Variants in MXRA5 observed in about 807,000 individuals in gnomAD.
The protein encoded by MXRA5 is matrix remodeling associated 5, also known as matrix-remodeling-associated protein 5.
MXRA5 carries 41 observed loss-of-function variants against 112.5 expected under a neutral mutation model. That is an observed-to-expected ratio of 0.36 (90% CI 0.28 to 0.47). MXRA5 has a LOEUF of 0.47. Among genes scored for constraint, MXRA5 ranks in the 20% least tolerant of loss-of-function variants. MXRA5 has a pLI of 0.99. For missense variants in MXRA5, 2,150 were observed against 2,251.0 expected (o/e 0.96, Z 0.91); for synonymous variants, 862 against 900.8 (o/e 0.96, Z 0.77).
Position 3,322,597 on chromosome X carries a change from C to T in MXRA5, c.3088G>A (p.Gly1030Ser). The T allele has an allele frequency of 8.3e-7, 1 of 1,211,662 alleles. No homozygotes were observed. Among genetic ancestry groups the T allele is most frequent in the Non-Finnish European group, 1.1e-6 (1 of 895,495 alleles). Residue 1030 changes from glycine (G) to serine (S), a missense_variant, in exon 5 of 7, where the codon GGC (glycine) becomes AGC (serine). Around this residue, in one of 6 missense-constraint regions of MXRA5, gnomAD observed 1,485 missense variants for 1,471.6 expected, o/e 1.01. Coordinates refer to ENST00000217939, the MANE Select transcript of MXRA5 (RefSeq NM_015419.4). ...DSTIGEPGVP[G>S]QSHLQGLTDN... ...GTCAGTCCTTGTAGATGTGATTGGC[C>T]TGGGACACCTGGTTCCCCTATAGTA...
intron 4 of MXRA5, 133 bp downstream of exon 4, chrX:3,329,885 G>T: frequency 1.3e-6 from 1 of 762,242 alleles, no homozygotes; most frequent in Non-Finnish European, 1.8e-6. Flanking sequence ...CTGTCTAGCT[G>T]ATTGGGTGCT....
At chrX:3,319,241 A>G (rs1224642375) in intron 5 of MXRA5, among the ~76,000 whole-genome samples, 1 of 112,749 alleles carries the variant, frequency 8.9e-6, no homozygotes, top group Admixed American at 9.4e-5. Flanking sequence ...TGCTGTAAAA[A>G]AAGGATAGAG....
intron 4 of MXRA5, among the ~76,000 whole-genome samples, chrX:3,326,903 C>T (rs749114787): frequency 1.8e-5 from 2 of 111,880 alleles, no homozygotes; most frequent in Non-Finnish European, 3.8e-5. Flanking sequence ...AGTCCAAACA[C>T]ATTCCGTGAG....
At chrX:3,337,676 C>T (rs985875332) in intron 2 of MXRA5, among the ~76,000 whole-genome samples, 10 of 112,028 alleles carry the variant, frequency 8.9e-5, no homozygotes, top group African/African-American at 2.9e-4. Flanking sequence ...TCCTGGAGAA[C>T]GTGTCAGAGC....
In MXRA5 at chrX:3,330,784, G is replaced by GTAA. The variant is rs770536004; in HGVS notation, c.189-14_189-12dup. ...TGTATGCTATTAAACCTAAAGAATG[G>GTAA]TAATAATAATAATAACAATAATAAT... On this transcript the variant is annotated splice_polypyrimidine_tract_variant and intron_variant, in intron 2 of 6. Transcript: ENST00000217939. The GTAA allele has an allele frequency of 3.8e-6, 4 of 1,056,514 alleles. No individual in the cohort carries two copies. The highest frequency in any genetic ancestry group is 3.8e-5 in the African/African-American group (2 of 52,510). The allele number at this position is 1,056,514 out of a possible 1,213,427, so 87.1% of individuals were successfully genotyped here.
Position 3,320,017 on chromosome X carries a change from C to A in MXRA5, c.5668G>T (p.Val1890Phe), listed in dbSNP as rs760874410. The part of the protein sequence containing the change: ...KPKPFVTWTK[V>F]STGALMTPNT... ...TGCTTAAACATCTTACCTGTGGAAA[C>A]CTTTGTCCAAGTAACGAAAGGCTTT... The change falls in exon 5 of 7, where the codon GTT becomes TTT. Residue 1890 changes from valine to phenylalanine, a missense_variant. Physicochemically the swap from Val to Phe is conservative, Grantham distance 50. Around this residue, in one of 6 missense-constraint regions of MXRA5, gnomAD observed 1,485 missense variants for 1,471.6 expected, o/e 1.01. Coordinates refer to ENST00000217939, the MANE Select transcript of MXRA5 (RefSeq NM_015419.4). 1.3e-5 allele frequency: 16 copies of A among 1,188,257 alleles called. No homozygotes were observed. The South Asian group carries it at 2.8e-4, about 21-fold the overall frequency.
rs759357691 is a variant in MXRA5, at chrX:3,330,700, C to T, written c.262G>A (p.Gly88Ser). The T allele has an allele frequency of 2.1e-5, 25 of 1,206,949 alleles. 1 individual carries two copies. The highest frequency in any genetic ancestry group is 6.6e-5 in the Admixed American group (3 of 45,393). The change falls in exon 3 of 7, where the codon GGC (glycine) becomes AGC (serine). Residue 88 changes from glycine (G) to serine (S), a missense_variant. Coordinates refer to ENST00000217939, the MANE Select transcript of MXRA5 (RefSeq NM_015419.4). ...LTKLELLMIH[G>S]NEIPSIPDGA... ...TCGGGGATGCTTGGGATCTCATTGC[C>T]GTGAATCATAAGTAGCTCCAACTTG...
chrX:3,335,235 C>T (rs1221393283), intron 2 of MXRA5, among the ~76,000 whole-genome samples: 1 of 111,417 alleles, frequency 9.0e-6, no homozygotes, highest in Non-Finnish European at 1.9e-5. Flanking sequence ...CTCCCTCTGT[C>T]GCCCAGGCTG....
In MXRA5 at chrX:3,321,165, G is replaced by A. The variant is rs1343082485; in HGVS notation, c.4520C>T (p.Thr1507Ile). Reference protein sequence around the residue: ...STILMSLGQTTTTKPALPSPR... With the variant: ...STILMSLGQTITTKPALPSPR... ...ACTGGGAAGTGCTGGCTTAGTGGTGGTGGTTTGTCCCAAAGACATGAGAAT... is the reference window on the plus strand; with the variant it reads ...ACTGGGAAGTGCTGGCTTAGTGGTGATGGTTTGTCCCAAAGACATGAGAAT... Residue 1507 changes from threonine to isoleucine, a missense_variant, in exon 5 of 7, where the codon ACC (threonine) becomes ATC (isoleucine). Coordinates refer to ENST00000217939, the MANE Select transcript of MXRA5 (RefSeq NM_015419.4). 8.3e-7 allele frequency: 1 copy of A among 1,211,933 alleles called. No homozygotes were observed. Among genetic ancestry groups the A allele is most frequent in the Admixed American group, 2.2e-5 (1 of 46,044 alleles).
Position 3,309,647 on chromosome X carries a change from C to T in MXRA5, c.*69G>A, listed in dbSNP as rs1920966731. 7 of 994,278 alleles carry T rather than the reference C, an allele frequency of 7.0e-6. No individual in the cohort carries two copies. In the East Asian group the frequency reaches 2.2e-4, roughly 32 times the overall value. 81.9% of individuals were successfully genotyped at this position (994,278 alleles called of 1,213,427 possible). ...CACATTATTTAAGAGCTCCTATTCCCCAACCTGGCTTCCCTTACAAACCCC... is the reference window on the plus strand; with the variant it reads ...CACATTATTTAAGAGCTCCTATTCCTCAACCTGGCTTCCCTTACAAACCCC... On this transcript the variant is annotated 3_prime_UTR_variant, in exon 7 of 7. Transcript: ENST00000217939.
Position 3,321,394 on chromosome X carries a change from G to A in MXRA5, c.4291C>T (p.Pro1431Ser), listed in dbSNP as rs1354226828. The change falls in exon 5 of 7, where the codon CCA becomes TCA. Residue 1431 changes from proline to serine, a missense_variant. Physicochemically the swap from Pro to Ser is moderately conservative, Grantham distance 74. Around this residue, in one of 6 missense-constraint regions of MXRA5, gnomAD observed 1,485 missense variants for 1,471.6 expected, o/e 1.01. Transcript: ENST00000217939. ...EFLSSLTVSTPFHQEEAGSST... is the reference protein window; with the variant it reads ...EFLSSLTVSTSFHQEEAGSST... ...GAACCAGCTTCTTCCTGGTGAAATG[G>A]TGTGGAGACTGTCAAAGAGGACAAA... The A allele has an allele frequency of 8.3e-6, 10 of 1,211,882 alleles. No individual in the cohort carries two copies. Among genetic ancestry groups the A allele is most frequent in the Non-Finnish European group, 1.1e-5 (10 of 895,532 alleles).
chrX:3,331,069 AT>A lies in MXRA5; in HGVS notation c.189-297del, dbSNP rs1262468702. On this transcript the variant is annotated intron_variant, in intron 2 of 6. Coordinates refer to ENST00000217939, the MANE Select transcript of MXRA5 (RefSeq NM_015419.4). ...AGGCACAGGCCACTATCCCTGGCTA[AT>A]TTTTTATTTTTCATTTTTGTAGAGA... Among the ~76,000 whole-genome samples the A allele has an allele frequency of 3.6e-5, 4 of 110,745 alleles. No homozygotes were observed. In the East Asian group the frequency reaches 8.6e-4, roughly 24 times the overall value.
intron 2 of MXRA5, among the ~76,000 whole-genome samples, chrX:3,341,348 C>T (rs1196195134): frequency 4.6e-4 from 16 of 34,930 alleles, no homozygotes; most frequent in Admixed American, 6.2e-4. Context: ...TATATTATTA[C>T]TATATATTAT....
Position 3,309,535 on chromosome X carries a change from C to A in MXRA5, c.*181G>T, listed in dbSNP as rs1310370431. 9.0e-6 allele frequency: 4 copies of A among 443,038 alleles called. No individual in the cohort carries two copies. Among genetic ancestry groups the A allele is most frequent in the East Asian group, 3.7e-5 (1 of 26,785 alleles). 36.5% of individuals were successfully genotyped at this position (443,038 alleles called of 1,213,427 possible). On this transcript the variant is annotated 3_prime_UTR_variant, in exon 7 of 7. Coordinates refer to ENST00000217939, the MANE Select transcript of MXRA5 (RefSeq NM_015419.4). ...CTCAGCAAGGCTGAGCCCTCCTTCT[C>A]GTGTCTGCATTGCTTCCTTTTCCCA...
intron 2 of MXRA5, among the ~76,000 whole-genome samples, chrX:3,335,236 G>A (rs1454119529): frequency 9.1e-6 from 1 of 109,751 alleles, no homozygotes; most frequent in Non-Finnish European, 1.9e-5. Context: ...TCCCTCTGTC[G>A]CCCAGGCTGA....
At chrX:3,315,387 TA>T (rs760122742) in intron 6 of MXRA5, among the ~76,000 whole-genome samples, 570 of 38,785 alleles carry the variant, frequency 0.015, 102 homozygotes, top group African/African-American at 0.088. Flanking sequence ...GATAGATAGA[TA>T]GATGATAGAT....
At chrX:3,334,229 G>A (rs1157266156) in intron 2 of MXRA5, among the ~76,000 whole-genome samples, 10 of 111,499 alleles carry the variant, frequency 9.0e-5, no homozygotes, top group Admixed American at 5.7e-4. Context: ...TGATCTACCC[G>A]CCTCGGCCTC....
At chrX:3,341,224 A>AT (rs1390645597) in intron 2 of MXRA5, among the ~76,000 whole-genome samples, 1 of 45,784 alleles carries the variant, frequency 2.2e-5, no homozygotes, top group Non-Finnish European at 3.8e-5. Flanking sequence ...AATATATATA[A>AT]TGTATATAAT....
chrX:3,332,095 G>C (rs1448679392), intron 2 of MXRA5, among the ~76,000 whole-genome samples: 1 of 112,055 alleles, frequency 8.9e-6, no homozygotes, highest in East Asian at 2.8e-4. Flanking sequence ...AGAAACACCA[G>C]GTTAGGTGTG....
Sources: allele counts gnomAD v4.1 joint callset (sites outside exome capture counted in the v4.1 genomes callset), GRCh38; gene constraint gnomAD v4.1.1; regional missense constraint gnomAD v4.1.1; transcripts MANE v1.5; gene names NCBI Gene and HGNC (gene_info 2026-07-23, HGNC 2026-07-21).